ROBO2: variants seen among roughly 807,000 people sequenced by gnomAD.
ROBO2 encodes roundabout homolog 2.
Under a neutral mutation model 160.8 loss-of-function variants are expected in ROBO2, and 53 were observed. The ratio of observed to expected loss-of-function variants is 0.33; its 90% CI spans 0.26 to 0.41. The LOEUF (loss-of-function observed/expected upper bound fraction) is 0.41. Among genes scored for constraint, ROBO2 ranks in the 10% least tolerant of loss-of-function variants. ROBO2 has a pLI of 1.00. For synonymous variants in ROBO2, 664 were observed against 611.7 expected (o/e 1.09, Z -1.26); for missense variants, 1,577 against 1,722.4 (o/e 0.92, Z 1.49).
rs544503838 is a variant in ROBO2, at chr3:76,253,420, G to A, written c.109+315818G>A. Among the ~76,000 whole-genome samples, 17 of 151,780 alleles carry A rather than the reference G, an allele frequency of 1.1e-4. 1 individual carries two copies. The South Asian group carries it at 3.5e-3, about 32-fold the overall frequency. ...CCTGAGTAGCTGGTACTACAGGTGT[G>A]CATCACCATGCTTGGCTAGTTTTTA... On this transcript the variant is annotated intron_variant, in intron 2 of 26. Transcript: ENST00000487694.
intron 2 of ROBO2, among the ~76,000 whole-genome samples, chr3:76,015,365 T>C (rs1357227601): frequency 1.3e-5 from 2 of 152,178 alleles, no homozygotes; most frequent in African/African-American, 4.8e-5. Context: ...CGCAATGATG[T>C]TACACAGATA....
intron 2 of ROBO2, among the ~76,000 whole-genome samples, chr3:76,218,959 A>G (rs1049023932): frequency 2.0e-5 from 3 of 152,164 alleles, no homozygotes; most frequent in Non-Finnish European, 4.4e-5. Flanking sequence ...TGGTACCAAA[A>G]CAGAGATATA....
At chr3:76,046,236 T>C (rs1271354269) in intron 2 of ROBO2, among the ~76,000 whole-genome samples, 1 of 152,044 alleles carries the variant, frequency 6.6e-6, no homozygotes, top group East Asian at 1.9e-4. Flanking sequence ...TGCAGCTTGA[T>C]ACTTTTCAGA....
chr3:76,567,425 T>A (rs895897492), intron 2 of ROBO2, among the ~76,000 whole-genome samples: 2 of 151,688 alleles, frequency 1.3e-5, no homozygotes, highest in Non-Finnish European at 2.9e-5. Flanking sequence ...TCTTGGTTAG[T>A]TGTTTAATAT....
chr3:77,641,842 T>C (rs2095355183), intron 24 of ROBO2, among the ~76,000 whole-genome samples: 2 of 152,088 alleles, frequency 1.3e-5, no homozygotes, highest in Non-Finnish European at 2.9e-5. Flanking sequence ...GAAGAGTTAA[T>C]AAAAGAGAGA....
intron 2 of ROBO2, among the ~76,000 whole-genome samples, chr3:76,947,696 C>T (rs991211924): frequency 6.6e-6 from 1 of 150,616 alleles, no homozygotes; most frequent in Admixed American, 6.6e-5. Context: ...TTCCTGCAAT[C>T]GATGACATGG....
At chr3:76,610,501 TG>T (rs1275983863) in intron 2 of ROBO2, among the ~76,000 whole-genome samples, 1 of 152,126 alleles carries the variant, frequency 6.6e-6, no homozygotes, top group Non-Finnish European at 1.5e-5. Flanking sequence ...TGCCAGCAAT[TG>T]TGGGGCCCCA....
chr3:76,098,356 CTG>C (rs746923978), intron 2 of ROBO2, among the ~76,000 whole-genome samples: 2 of 152,106 alleles, frequency 1.3e-5, no homozygotes, highest in Non-Finnish European at 2.9e-5. Flanking sequence ...CAAAATCTCT[CTG>C]TAACTATGTT....
intron 2 of ROBO2, among the ~76,000 whole-genome samples, chr3:75,952,668 T>A (rs1173031228): frequency 6.6e-6 from 1 of 151,960 alleles, no homozygotes; most frequent in East Asian, 1.9e-4. Flanking sequence ...TATATTAGAG[T>A]TTACTCCTTG....
At position 77,643,661 on chromosome 3, in the gene ROBO2, C is replaced by T. The variant is rs139137546; in HGVS notation, c.3935-1043C>T. Among the ~76,000 whole-genome samples the T allele has an allele frequency of 5.0e-3, 759 of 152,258 alleles. 1 individual carries two copies. Among genetic ancestry groups the T allele is most frequent in the Non-Finnish European group, 9.4e-3 (640 of 68,024 alleles). ...TCAGGATTCATTGAGTACTGAAACA[C>T]ACACATACACATACACACAATCTTT... On this transcript the variant is annotated intron_variant, in intron 24 of 25. Coordinates refer to ENST00000461745, the Ensembl canonical transcript of ROBO2.
chr3:77,250,062 T>A (rs2090169038), intron 2 of ROBO2, among the ~76,000 whole-genome samples: 1 of 152,178 alleles, frequency 6.6e-6, no homozygotes, highest in African/African-American at 2.4e-5. Flanking sequence ...ATTAAAATAT[T>A]GCTATTACAT....
At chr3:76,803,921 G>A (rs1181219122) in intron 2 of ROBO2, among the ~76,000 whole-genome samples, 1 of 152,188 alleles carries the variant, frequency 6.6e-6, no homozygotes, top group South Asian at 2.1e-4. Flanking sequence ...AAGACGTGAA[G>A]CTATAGGAAA....
chr3:77,533,992 A>C (rs1582770042), intron 6 of ROBO2, among the ~76,000 whole-genome samples: 1 of 151,934 alleles, frequency 6.6e-6, no homozygotes, highest in South Asian at 2.1e-4. Context: ...GACTTTAAGT[A>C]TCATTTTTCC....
At chr3:77,045,404 C>T (rs1038332339) in intron 1 of ROBO2, among the ~76,000 whole-genome samples, 6 of 152,064 alleles carry the variant, frequency 3.9e-5, no homozygotes, top group Non-Finnish European at 8.8e-5. Flanking sequence ...CTAAAATTGC[C>T]CTAATCATTG....
In ROBO2 at chr3:76,398,148, A is replaced by T. The variant is rs555161646; in HGVS notation, c.109+460546A>T. The stretch of plus-strand genomic sequence containing the variant: ...CAGCATGGAATACTATGCAGCCATA[A>T]AAAATGATGAGTTCATGTCCTTTGT... On this transcript the variant is annotated intron_variant, in intron 2 of 26. Transcript: ENST00000487694. Among the ~76,000 whole-genome samples, 441 of 152,198 alleles carry T rather than the reference A, an allele frequency of 2.9e-3. 2 individuals carry two copies. Among genetic ancestry groups the T allele is most frequent in the Non-Finnish European group, 5.1e-3 (349 of 67,998 alleles).
At chr3:76,077,629 G>T (rs2108004560) in intron 2 of ROBO2, among the ~76,000 whole-genome samples, 1 of 151,984 alleles carries the variant, frequency 6.6e-6, no homozygotes, top group Non-Finnish European at 1.5e-5. Context: ...GATTCTTCTT[G>T]ACTTGAGCAA....
At chr3:76,967,308 C>A (rs562720328) in intron 2 of ROBO2, among the ~76,000 whole-genome samples, 3 of 151,338 alleles carry the variant, frequency 2.0e-5, no homozygotes, top group Admixed American at 2.0e-4. Flanking sequence ...CAAGTTCAAG[C>A]GATTTTTCCA....
chr3:76,592,386 G>T (rs79430592), intron 2 of ROBO2, among the ~76,000 whole-genome samples: 4,692 of 152,114 alleles, frequency 0.031, 227 homozygotes, highest in African/African-American at 0.099. Flanking sequence ...AACCTAGACA[G>T]ATGCTCAAAA....
chr3:76,856,325 TACA>T (rs1223017898), intron 2 of ROBO2, among the ~76,000 whole-genome samples: 45 of 152,320 alleles, frequency 3.0e-4, no homozygotes, highest in African/African-American at 1.0e-3. Flanking sequence ...TACATATGTA[TACA>T]ACATGATGTT....
Sources: allele counts gnomAD v4.1 joint callset (sites outside exome capture counted in the v4.1 genomes callset), GRCh38; gene constraint gnomAD v4.1.1; transcripts MANE v1.5; gene names NCBI Gene and HGNC (gene_info 2026-07-23, HGNC 2026-07-21).